SLC16A10: variants seen among roughly 807,000 people sequenced by gnomAD.
SLC16A10 encodes solute carrier family 16 member 10, also known as monocarboxylate transporter 10.
A neutral mutation model predicts 40.0 loss-of-function variants in SLC16A10; 27 were observed. The observed-to-expected ratio is 0.67, with a 90% CI of 0.50 to 0.93. SLC16A10 has a LOEUF of 0.93. SLC16A10 is among the 40% of genes least tolerant of loss of function. The pLI, the probability that SLC16A10 is intolerant of heterozygous loss-of-function variation, is 0.00. For synonymous variants in SLC16A10, 213 were observed against 249.8 expected (o/e 0.85, Z 1.39); for missense variants, 529 against 658.2 (o/e 0.80, Z 2.15).
At chr6:111,099,988 C>T (rs938139713) in intron 1 of SLC16A10, among the ~76,000 whole-genome samples, 10 of 149,300 alleles carry the variant, frequency 6.7e-5, no homozygotes, top group East Asian at 3.9e-4. Context: ...CTCCACTGCC[C>T]GCCAGCCTGG....
intron 3 of SLC16A10, among the ~76,000 whole-genome samples, chr6:111,203,883 CA>C (rs1429492343): frequency 2.6e-5 from 4 of 151,862 alleles, no homozygotes; most frequent in Non-Finnish European, 4.4e-5. Flanking sequence ...CAAAGTAGAG[CA>C]GGGGGGAAAT....
intron 4 of SLC16A10, among the ~76,000 whole-genome samples, chr6:111,217,429 G>C (rs1773443615): frequency 6.8e-6 from 1 of 147,502 alleles, no homozygotes; most frequent in Non-Finnish European, 1.5e-5. Flanking sequence ...CTAGTGAATT[G>C]TTCAGTTTTT....
intron 1 of SLC16A10, among the ~76,000 whole-genome samples, chr6:111,169,248 C>G (rs1772538180): frequency 1.3e-5 from 2 of 152,178 alleles, no homozygotes; most frequent in African/African-American, 4.8e-5. Flanking sequence ...GAGTTTGACT[C>G]CTGTCCAAAT....
At chr6:111,122,239 T>C (rs1395805345) in intron 1 of SLC16A10, among the ~76,000 whole-genome samples, 1 of 152,230 alleles carries the variant, frequency 6.6e-6, no homozygotes. Flanking sequence ...TGATGATTTG[T>C]CCTGACCCTG....
chr6:111,127,585 T>G (rs1771699185), intron 1 of SLC16A10, among the ~76,000 whole-genome samples: 1 of 152,228 alleles, frequency 6.6e-6, no homozygotes, highest in Admixed American at 6.5e-5. Context: ...AAATATGTCT[T>G]TCTTGCTAGA....
At chr6:111,163,779 A>G (rs1285541962) in intron 1 of SLC16A10, among the ~76,000 whole-genome samples, 4 of 152,230 alleles carry the variant, frequency 2.6e-5, no homozygotes, top group African/African-American at 4.8e-5. Context: ...CCAGATTACC[A>G]TAAGTCATTT....
rs187668986 is a variant in SLC16A10 at position 111,105,046 on chromosome 6, T to C, written c.343+16951T>C. On this transcript the variant is annotated intron_variant, in intron 1 of 5. Coordinates refer to ENST00000368851, the MANE Select transcript of SLC16A10 (RefSeq NM_018593.5). ...TCCAAAACTTCGTCTTAAGACTTAG[T>C]CATTTTTTTCCTTCAATTTGACATG... 9.2e-5 allele frequency among the ~76,000 whole-genome samples: 14 copies of C among 152,316 alleles called. No homozygotes were observed. The East Asian group carries it at 2.3e-3, about 25-fold the overall frequency.
intron 1 of SLC16A10, among the ~76,000 whole-genome samples, chr6:111,161,200 C>T (rs2114527364): frequency 8.9e-6 from 1 of 112,666 alleles, no homozygotes; most frequent in East Asian, 2.8e-4. Flanking sequence ...TTCTGCCTGG[C>T]TGACATAGCG....
intron 3 of SLC16A10, among the ~76,000 whole-genome samples, chr6:111,201,597 A>C (rs998012312): frequency 6.6e-6 from 1 of 152,208 alleles, no homozygotes; most frequent in African/African-American, 2.4e-5. Context: ...TTATTTAATA[A>C]ATTCCATACA....
intron 3 of SLC16A10, among the ~76,000 whole-genome samples, chr6:111,190,482 G>A (rs1239294926): frequency 1.3e-5 from 2 of 152,200 alleles, no homozygotes; most frequent in African/African-American, 2.4e-5. Flanking sequence ...TCTGTGTAGG[G>A]GCTCCAGTCC....
At chr6:111,098,253 C>T (rs1771111098) in intron 1 of SLC16A10, among the ~76,000 whole-genome samples, 2 of 151,978 alleles carry the variant, frequency 1.3e-5, no homozygotes, top group Non-Finnish European at 2.9e-5. Flanking sequence ...TTGCAATGAG[C>T]CAAGATCATG....
intron 3 of SLC16A10, 142 bp downstream of exon 3, chr6:111,177,807 C>A: frequency 1.5e-6 from 1 of 670,200 alleles, no homozygotes; most frequent in Non-Finnish European, 2.4e-6. Context: ...AAAGGTCTCT[C>A]AAGACAATGT....
Position 111,225,842 on chromosome 6 carries a change from A to G in SLC16A10, c.*3607A>G, listed in dbSNP as rs1409851806. 1 of 151,970 alleles carries G rather than the reference A, an allele frequency of 6.6e-6. No homozygotes were observed. Among genetic ancestry groups the G allele is most frequent in the Non-Finnish European group, 1.5e-5 (1 of 67,998 alleles). 9.4% of individuals were successfully genotyped at this position (151,970 alleles called of 1,614,324 possible). A position where few individuals can be genotyped will look rare whatever the true frequency, so the allele number is the denominator to read the frequency against. ...GTACCTTTTGTCTTACTCTTCTTACATTATTCTTATCCTCATCATTTTTTC... is the reference window on the plus strand; with the variant it reads ...GTACCTTTTGTCTTACTCTTCTTACGTTATTCTTATCCTCATCATTTTTTC... On this transcript the variant is annotated 3_prime_UTR_variant, in exon 6 of 6. Transcript: ENST00000368851.
intron 3 of SLC16A10, among the ~76,000 whole-genome samples, chr6:111,190,785 AG>A (rs1269253273): frequency 3.9e-5 from 6 of 152,180 alleles, no homozygotes; most frequent in African/African-American, 1.2e-4. Flanking sequence ...TGCACACAGC[AG>A]GGGGGCCACA....
At chr6:111,180,983 G>A (rs547635304) in intron 3 of SLC16A10, among the ~76,000 whole-genome samples, 2 of 152,304 alleles carry the variant, frequency 1.3e-5, no homozygotes, top group Admixed American at 1.3e-4. Flanking sequence ...GGGAGGCCAA[G>A]GCAGGTGTAT....
intron 3 of SLC16A10, among the ~76,000 whole-genome samples, chr6:111,196,857 C>T (rs1425831858): frequency 1.3e-5 from 2 of 152,044 alleles, no homozygotes; most frequent in Non-Finnish European, 2.9e-5. Context: ...AATACTACAC[C>T]ATTTTGTATA....
intron 1 of SLC16A10, among the ~76,000 whole-genome samples, chr6:111,135,626 A>T (rs904417736): frequency 2.4e-4 from 36 of 152,162 alleles, no homozygotes; most frequent in African/African-American, 8.4e-4. Flanking sequence ...GCCTTTGAAG[A>T]TCCTTCGAAC....
At chr6:111,192,703 C>T (rs1421893269) in intron 3 of SLC16A10, among the ~76,000 whole-genome samples, 1 of 152,154 alleles carries the variant, frequency 6.6e-6, no homozygotes. Flanking sequence ...GGGGAGGCCT[C>T]ACAATCATGG....
chr6:111,099,472 C>T (rs1771135514), intron 1 of SLC16A10, among the ~76,000 whole-genome samples: 1 of 151,992 alleles, frequency 6.6e-6, no homozygotes, highest in African/African-American at 2.4e-5. Flanking sequence ...GCCACTACAC[C>T]TGGCTAATTT....
Sources: gnomAD v4.1 joint callset for allele counts (sites outside exome capture counted in the v4.1 genomes callset) on GRCh38, gnomAD v4.1.1 for gene constraint, MANE v1.5 for transcripts, NCBI Gene and HGNC (gene_info 2026-07-23, HGNC 2026-07-21) for gene names.